The following XPO5 variants were observed in gnomAD, a reference collection of about 807,000 sequenced individuals.
XPO5 encodes the protein exportin-5.
XPO5 carries 46 observed loss-of-function variants against 160.6 expected under a neutral mutation model. The observed-to-expected ratio is 0.29, with a 90% CI of 0.23 to 0.37. The LOEUF is 0.37. Ranked by LOEUF, XPO5 falls within the 10% of genes least tolerant of loss-of-function variation. The pLI is 1.00. For synonymous variants in XPO5, 537 were observed against 519.3 expected, an observed-to-expected ratio of 1.03 and a Z score of -0.46; for missense variants, 1,090 against 1,463.9, an observed-to-expected ratio of 0.74 and a Z score of 4.17.
chr6:43,539,819 G>T, intron 20 of XPO5: 1 of 532,314 alleles, frequency 1.9e-6, no homozygotes, highest in South Asian at 3.0e-5. Flanking sequence ...AATCATTTAG[G>T]CCTGGAGTTT....
intron 1 of XPO5, among the ~76,000 whole-genome samples, 160 bp downstream of exon 1, chr6:43,575,600 G>A (rs968385449): frequency 4.6e-5 from 7 of 152,244 alleles, no homozygotes; most frequent in Non-Finnish European, 1.0e-4. Flanking sequence ...GGCGATTTGG[G>A]AGAGGCGCGG....
At chr6:43,558,301 G>A (rs1481670309) in intron 12 of XPO5, among the ~76,000 whole-genome samples, 200 bp downstream of exon 12, 2 of 152,108 alleles carry the variant, frequency 1.3e-5, no homozygotes, top group African/African-American at 2.4e-5. Flanking sequence ...TGCTGTGGGG[G>A]TTTGTGGTGT....
intron 1 of XPO5, among the ~76,000 whole-genome samples, chr6:43,573,823 A>ATTT (rs111408497): frequency 4.1e-4 from 52 of 126,198 alleles, no homozygotes; most frequent in Non-Finnish European, 6.9e-4. Context: ...ATATATATAT[A>ATTT]TTTTTTTTTT....
At chr6:43,524,121 G>A in intron 31 of XPO5, 116 bp from the exon 32 acceptor site, 1 of 1,438,014 alleles carries the variant, frequency 7.0e-7, no homozygotes, top group Non-Finnish European at 9.3e-7. Context: ...GGAGGCCAAG[G>A]CGGGTGGATC....
intron 17 of XPO5, 78 bp downstream of exon 17, chr6:43,549,411 T>C (rs1795121914): frequency 1.4e-6 from 2 of 1,395,396 alleles, no homozygotes; most frequent in Admixed American, 2.4e-5. Context: ...TTTTTCTTTA[T>C]GTGAGGTACA....
At chr6:43,561,646 T>C (rs1047383230) in intron 9 of XPO5, 1 of 153,138 alleles carries the variant, frequency 6.5e-6, no homozygotes, top group African/African-American at 2.4e-5. Flanking sequence ...CCCAAAATGC[T>C]GGGATTACAG....
intron 12 of XPO5, 188 bp from the exon 13 acceptor site, chr6:43,556,152 T>C (rs747927219): frequency 8.5e-5 from 59 of 696,756 alleles, no homozygotes; most frequent in Non-Finnish European, 1.1e-4. Flanking sequence ...TGAAAATAAA[T>C]GATCTCTGGA....
chr6:43,527,792 A>G, intron 25 of XPO5, 61 bp from the exon 26 acceptor site: 1 of 1,576,124 alleles, frequency 6.3e-7, no homozygotes, highest in East Asian at 2.2e-5. Flanking sequence ...CAAGGAAAGC[A>G]GCGACCCTAA....
chr6:43,572,789 A>G lies in XPO5; in HGVS notation c.228-211T>C, dbSNP rs76796543. Among the ~76,000 whole-genome samples the G allele has an allele frequency of 0.022, 3,390 of 152,334 alleles. 119 individuals carry two copies. Among genetic ancestry groups the G allele is most frequent in the African/African-American group, 0.077 (3,212 of 41,568 alleles). On this transcript the variant is annotated intron_variant, in intron 2 of 31. Coordinates refer to ENST00000265351, the MANE Select transcript of XPO5 (RefSeq NM_020750.3). ...TCTTGGGAAAAGGTTTTATATATGC[A>G]GTGGTCCATTAACTGGAATCCGCAC...
chr6:43,574,153 A>G (rs1418283340), intron 1 of XPO5, among the ~76,000 whole-genome samples: 2 of 151,864 alleles, frequency 1.3e-5, no homozygotes, highest in Non-Finnish European at 2.9e-5. Context: ...TTTTTAAATT[A>G]GCCGGGCATG....
At chr6:43,564,406 G>A (rs1035474218) in intron 8 of XPO5, among the ~76,000 whole-genome samples, 1 of 151,982 alleles carries the variant, frequency 6.6e-6, no homozygotes, top group Non-Finnish European at 1.5e-5. Flanking sequence ...GTGCATGCCT[G>A]TAATCCCAGC....
chr6:43,522,626 C>A lies in XPO5; in HGVS notation c.*1242G>T. 2.5e-6 allele frequency: 1 copy of A among 406,464 alleles called. No homozygotes were observed. Among genetic ancestry groups the A allele is most frequent in the Non-Finnish European group, 5.4e-6 (1 of 184,558 alleles). 25.2% of individuals were successfully genotyped at this position (406,464 alleles called of 1,614,324 possible). On this transcript the variant is annotated 3_prime_UTR_variant, in exon 32 of 32. Coordinates refer to ENST00000265351, the MANE Select transcript of XPO5 (RefSeq NM_020750.3). Reference sequence around the variant, plus strand: ...AGACTCCCAACTTCTGCTTCCCCAGCTTTGCTTCTTCTCAATCTGACCCTG... The same window carrying A: ...AGACTCCCAACTTCTGCTTCCCCAGATTTGCTTCTTCTCAATCTGACCCTG...
At chr6:43,528,071 G>T in intron 25 of XPO5, 88 bp downstream of exon 25, 1 of 1,334,864 alleles carries the variant, frequency 7.5e-7, no homozygotes, top group Non-Finnish European at 1.0e-6. Flanking sequence ...TCTACCCTGG[G>T]ACAGCAGAAT....
chr6:43,567,019 C>T, intron 7 of XPO5, 150 bp downstream of exon 7: 2 of 717,658 alleles, frequency 2.8e-6, no homozygotes, highest in Non-Finnish European at 4.4e-6. Context: ...TTGGCAAACT[C>T]CTGTCCAAGG....
chr6:43,539,447 A>T (rs1455821584), intron 20 of XPO5: 2 of 1,569,824 alleles, frequency 1.3e-6, no homozygotes, highest in Non-Finnish European at 1.7e-6. Context: ...CTTAATGGGC[A>T]GGGAGAAGAG....
intron 20 of XPO5, among the ~76,000 whole-genome samples, chr6:43,542,051 AG>A (rs1385156430): frequency 1.3e-5 from 2 of 152,098 alleles, no homozygotes; most frequent in African/African-American, 2.4e-5. Flanking sequence ...CCAAAGTGCT[AG>A]GATTACATGC....
chr6:43,560,576 T>C (rs537558397), intron 10 of XPO5, among the ~76,000 whole-genome samples: 57 of 152,368 alleles, frequency 3.7e-4, no homozygotes, highest in African/African-American at 1.2e-3. Flanking sequence ...AGAGTGATAT[T>C]AGAAGGACAA....
At chr6:43,573,398 C>T (rs1253042634) in intron 2 of XPO5, 82 bp downstream of exon 2, 3 of 1,561,954 alleles carry the variant, frequency 1.9e-6, no homozygotes, top group Non-Finnish European at 2.6e-6. Context: ...CTCTACTCAC[C>T]TAAACAGCAT....
chr6:43,541,236 T>A (rs1381636881), intron 20 of XPO5, among the ~76,000 whole-genome samples: 1 of 152,162 alleles, frequency 6.6e-6, no homozygotes, highest in African/African-American at 2.4e-5. Flanking sequence ...GATTGTACAT[T>A]TAAAAAGCAT....
Sources: allele counts gnomAD v4.1 joint callset (sites outside exome capture counted in the v4.1 genomes callset), GRCh38; gene constraint gnomAD v4.1.1; transcripts MANE v1.5; gene names NCBI Gene and HGNC (gene_info 2026-07-23, HGNC 2026-07-21).